The following NPAS3 variants were observed in gnomAD, a reference collection of about 807,000 sequenced individuals.
The protein encoded by NPAS3 is neuronal PAS domain protein 3, also known as neuronal PAS domain-containing protein 3.
Under a neutral mutation model 73.1 loss-of-function variants are expected in NPAS3, and 14 were observed. The ratio of observed to expected loss-of-function variants is 0.19; its 90% CI spans 0.13 to 0.30. The LOEUF (loss-of-function observed/expected upper bound fraction) is 0.30. NPAS3 is among the 10% of genes least tolerant of loss of function. NPAS3 has a pLI of 1.00. For missense variants in NPAS3, 1,096 were observed against 1,250.0 expected (o/e 0.88, Z 1.86); for synonymous variants, 620 against 541.5 (o/e 1.14, Z -2.01).
chr14:33,474,160 C>T (rs934469834), intron 4 of NPAS3, among the ~76,000 whole-genome samples: 2 of 152,060 alleles, frequency 1.3e-5, no homozygotes, highest in African/African-American at 4.8e-5. Flanking sequence ...CAAGCTTGAA[C>T]TTTGGATCGA....
At chr14:33,266,661 T>C (rs150659468) in intron 3 of NPAS3, among the ~76,000 whole-genome samples, 2 of 152,148 alleles carry the variant, frequency 1.3e-5, no homozygotes, top group Non-Finnish European at 2.9e-5. Flanking sequence ...TGGAGAGTGA[T>C]TGGATCAAGG....
At chr14:33,599,765 G>C (rs562161384) in intron 5 of NPAS3, among the ~76,000 whole-genome samples, 1 of 152,140 alleles carries the variant, frequency 6.6e-6, no homozygotes, top group African/African-American at 2.4e-5. Context: ...TGGGAAGCTC[G>C]TTCAGGAGGG....
intron 1 of NPAS3, among the ~76,000 whole-genome samples, chr14:32,999,458 C>G (rs1450983119): frequency 6.6e-6 from 1 of 151,564 alleles, no homozygotes. Context: ...TTGCAGTGAG[C>G]AGAGATCACA....
chr14:33,647,000 A>G (rs17101647), intron 5 of NPAS3, among the ~76,000 whole-genome samples: 18,885 of 152,086 alleles, frequency 0.12, 1,609 homozygotes, highest in East Asian at 0.35. Context: ...GTCTTGTAGT[A>G]TCAGCTGTCC....
At chr14:32,950,888 A>G (rs148020292) in intron 1 of NPAS3, among the ~76,000 whole-genome samples, 11 of 152,270 alleles carry the variant, frequency 7.2e-5, no homozygotes, top group African/African-American at 2.4e-4. Flanking sequence ...AGAAGTTAGT[A>G]GAGAGCTCTC....
intron 1 of NPAS3, among the ~76,000 whole-genome samples, chr14:32,996,778 G>C (rs1047416638): frequency 3.3e-5 from 5 of 152,222 alleles, no homozygotes; most frequent in Non-Finnish European, 7.3e-5. Flanking sequence ...TGCAGGGGCA[G>C]AGTTCTCATG....
intron 3 of NPAS3, among the ~76,000 whole-genome samples, chr14:33,352,344 G>A (rs772352169): frequency 1.3e-4 from 20 of 152,152 alleles, no homozygotes; most frequent in African/African-American, 4.3e-4. Context: ...AATCTTCGTC[G>A]TCAAAAGCAT....
intron 3 of NPAS3, among the ~76,000 whole-genome samples, chr14:33,264,433 G>A (rs1409350703): frequency 3.3e-5 from 5 of 151,970 alleles, no homozygotes; most frequent in Non-Finnish European, 7.4e-5. Context: ...ATAAAAAAAA[G>A]AAAAAGTAAC....
At chr14:33,210,802 A>G (rs2047002839) in intron 2 of NPAS3, among the ~76,000 whole-genome samples, 1 of 152,186 alleles carries the variant, frequency 6.6e-6, no homozygotes, top group South Asian at 2.1e-4. Flanking sequence ...TGCACAAAAA[A>G]ATTTATAAAT....
At position 33,440,665 on chromosome 14, in the gene NPAS3, G is replaced by A. The variant is rs183700038; in HGVS notation, c.468+73397G>A. 3.4e-4 allele frequency among the ~76,000 whole-genome samples: 52 copies of A among 152,284 alleles called. 3 individuals carry two copies. Among genetic ancestry groups the A allele is most frequent in the African/African-American group, 5.8e-4 (24 of 41,554 alleles). On this transcript the variant is annotated intron_variant, in intron 4 of 11. Transcript: ENST00000356141. Reference sequence around the variant, plus strand: ...CCCAGCACTTTGGGAGGCTGAGGCGGGTGGATCACCTGAGGTCAGGAGTTC... The same window carrying A: ...CCCAGCACTTTGGGAGGCTGAGGCGAGTGGATCACCTGAGGTCAGGAGTTC...
intron 1 of NPAS3, among the ~76,000 whole-genome samples, chr14:32,997,116 A>G (rs1186764982): frequency 6.6e-6 from 1 of 152,178 alleles, no homozygotes; most frequent in African/African-American, 2.4e-5. Flanking sequence ...GAGCTGTTAG[A>G]TTTGACTGCC....
intron 6 of NPAS3, among the ~76,000 whole-genome samples, chr14:33,697,189 G>A (rs2060406132): frequency 6.6e-6 from 1 of 152,154 alleles, no homozygotes; most frequent in Non-Finnish European, 1.5e-5. Context: ...CAGATGCCTG[G>A]TTACATCACT....
intron 4 of NPAS3, among the ~76,000 whole-genome samples, chr14:33,382,882 G>A (rs1428888976): frequency 6.6e-6 from 1 of 152,024 alleles, no homozygotes; most frequent in African/African-American, 2.4e-5. Flanking sequence ...CTTCAGCCCA[G>A]TAGTTTCAAA....
At chr14:33,334,305 G>A (rs1012013963) in intron 3 of NPAS3, among the ~76,000 whole-genome samples, 3 of 151,946 alleles carry the variant, frequency 2.0e-5, no homozygotes, top group African/African-American at 4.8e-5. Flanking sequence ...ATAGTTATGC[G>A]ACCATCACCA....
At chr14:33,040,999 C>A (rs1476853800) in intron 1 of NPAS3, among the ~76,000 whole-genome samples, 1 of 152,128 alleles carries the variant, frequency 6.6e-6, no homozygotes, top group African/African-American at 2.4e-5. Flanking sequence ...TTTGTCAAGG[C>A]TGCACTGTAC....
At chr14:33,669,693 C>CAAAT (rs566962479) in intron 5 of NPAS3, among the ~76,000 whole-genome samples, 69 of 152,230 alleles carry the variant, frequency 4.5e-4, no homozygotes, top group Admixed American at 1.2e-3. Flanking sequence ...TGCTCACTTC[C>CAAAT]AAATAACTGG....
chr14:32,964,906 G>A (rs1378342437), intron 1 of NPAS3, among the ~76,000 whole-genome samples: 1 of 152,204 alleles, frequency 6.6e-6, no homozygotes, highest in Non-Finnish European at 1.5e-5. Flanking sequence ...GGAGTTGGAG[G>A]CTGCAGTGAG....
intron 4 of NPAS3, among the ~76,000 whole-genome samples, chr14:33,370,204 G>A (rs1176579315): frequency 6.6e-6 from 1 of 152,088 alleles, no homozygotes; most frequent in Non-Finnish European, 1.5e-5. Context: ...AGAGGAACTA[G>A]GAGGTTGCAT....
intron 3 of NPAS3, among the ~76,000 whole-genome samples, chr14:33,228,041 T>G (rs1217845909): frequency 6.6e-6 from 1 of 152,210 alleles, no homozygotes; most frequent in Non-Finnish European, 1.5e-5. Context: ...CTATACCGTC[T>G]ACTGCAGTGA....
Sources: allele counts gnomAD v4.1 joint callset (sites outside exome capture counted in the v4.1 genomes callset), GRCh38; gene constraint gnomAD v4.1.1; transcripts MANE v1.5; gene names NCBI Gene and HGNC (gene_info 2026-07-23, HGNC 2026-07-21).